RCAN1: variants seen among roughly 807,000 people sequenced by gnomAD.
The protein encoded by RCAN1 is calcipressin-1.
A neutral mutation model predicts 22.9 loss-of-function variants in RCAN1; 11 were observed. The observed-to-expected ratio is 0.48, with a 90% CI of 0.30 to 0.79. The LOEUF (loss-of-function observed/expected upper bound fraction) is 0.79. Ranked by LOEUF, RCAN1 falls within the 30% of genes least tolerant of loss-of-function variation. The pLI, the probability that RCAN1 is intolerant of heterozygous loss-of-function variation, is 0.06. For synonymous variants in RCAN1, 136 were observed against 142.3 expected (o/e 0.96, Z 0.32); for missense variants, 291 against 337.8 (o/e 0.86, Z 1.09).
intron 1 of RCAN1, among the ~76,000 whole-genome samples, chr21:34,565,635 T>C (rs1218299219): frequency 1.3e-5 from 2 of 152,206 alleles, no homozygotes; most frequent in Non-Finnish European, 2.9e-5. Context: ...GTTCAACAGA[T>C]GGGAAAACAT....
At chr21:34,563,770 A>AAAAAATATATATATAT (rs1555863394) in intron 1 of RCAN1, among the ~76,000 whole-genome samples, 2 of 65,434 alleles carry the variant, frequency 3.1e-5, no homozygotes, top group African/African-American at 1.4e-4. Flanking sequence ...AAAAAAAAAA[A>AAAAAATATATATATAT]ATATATATAT....
chr21:34,581,423 G>A (rs1987604952), intron 1 of RCAN1, among the ~76,000 whole-genome samples: 3 of 152,160 alleles, frequency 2.0e-5, no homozygotes, highest in South Asian at 2.1e-4. Context: ...ATGAATTGCT[G>A]TTGCCCCCAA....
At chr21:34,568,588 G>A (rs1422240340) in intron 1 of RCAN1, among the ~76,000 whole-genome samples, 1 of 152,166 alleles carries the variant, frequency 6.6e-6, no homozygotes, top group Non-Finnish European at 1.5e-5. Flanking sequence ...ACATCCACTG[G>A]AGGAATTGCA....
intron 1 of RCAN1, among the ~76,000 whole-genome samples, chr21:34,572,231 A>G (rs4300928): frequency 0.013 from 2,032 of 152,296 alleles, 47 homozygotes; most frequent in East Asian, 0.093. Context: ...CCCTCTGCCC[A>G]ATGAGGACTA....
chr21:34,577,533 A>G (rs1163928167), intron 1 of RCAN1, among the ~76,000 whole-genome samples: 3 of 152,178 alleles, frequency 2.0e-5, no homozygotes, highest in Non-Finnish European at 4.4e-5. Context: ...CAGGTGGTAG[A>G]GGCTACAGTG....
chr21:34,530,626 T>TGTTGTTG (rs57805524), intron 1 of RCAN1, among the ~76,000 whole-genome samples: 57 of 127,660 alleles, frequency 4.5e-4, no homozygotes, highest in South Asian at 7.4e-4. Context: ...GTTTTTTTTT[T>TGTTGTTG]TTTTTTTTTT....
chr21:34,611,604 TC>T (rs1390872971), intron 1 of RCAN1, among the ~76,000 whole-genome samples: 1 of 152,174 alleles, frequency 6.6e-6, no homozygotes, highest in Non-Finnish European at 1.5e-5. Flanking sequence ...ACTCTCCAGA[TC>T]CAACAGACTG....
chr21:34,558,399 C>A (rs1986664549), intron 1 of RCAN1, among the ~76,000 whole-genome samples: 2 of 152,200 alleles, frequency 1.3e-5, no homozygotes, highest in Admixed American at 6.5e-5. Context: ...CCAACTCCAC[C>A]TCCACCGTGA....
intron 1 of RCAN1, among the ~76,000 whole-genome samples, chr21:34,580,758 T>C (rs1987577235): frequency 6.6e-6 from 1 of 152,194 alleles, no homozygotes; most frequent in Non-Finnish European, 1.5e-5. Context: ...GAAGGAATCC[T>C]TCCTAGAGAG....
At chr21:34,532,963 C>CT (rs35547356) in intron 1 of RCAN1, among the ~76,000 whole-genome samples, 46,427 of 141,474 alleles carry the variant, frequency 0.33, 8,616 homozygotes, top group East Asian at 0.54. Context: ...ACAAAATAAA[C>CT]TTTTTTTTTT....
At chr21:34,525,233 G>A (rs1984952848) in intron 1 of RCAN1, 1 of 1,550,650 alleles carries the variant, frequency 6.4e-7, no homozygotes, top group Non-Finnish European at 8.7e-7. Context: ...CTGCGGGTAG[G>A]AGCAGGGTAG....
At chr21:34,602,485 A>G (rs1601219780) in intron 1 of RCAN1, among the ~76,000 whole-genome samples, 1 of 152,230 alleles carries the variant, frequency 6.6e-6, no homozygotes, top group East Asian at 1.9e-4. Context: ...AGGTGTTTCC[A>G]GGCAGTTCAT....
At chr21:34,597,738 G>GA (rs1270860746) in intron 1 of RCAN1, among the ~76,000 whole-genome samples, 2 of 152,098 alleles carry the variant, frequency 1.3e-5, no homozygotes, top group African/African-American at 4.8e-5. Context: ...AAACAAGATG[G>GA]AAAAATCATC....
At chr21:34,598,120 G>C (rs1387797198) in intron 1 of RCAN1, among the ~76,000 whole-genome samples, 6 of 152,144 alleles carry the variant, frequency 3.9e-5, no homozygotes, top group Non-Finnish European at 8.8e-5. Context: ...TAAACCCAAA[G>C]CAATCTCACT....
At chr21:34,547,132 A>C (rs1986179461) in intron 1 of RCAN1, among the ~76,000 whole-genome samples, 1 of 152,164 alleles carries the variant, frequency 6.6e-6, no homozygotes, top group Non-Finnish European at 1.5e-5. Context: ...ACCCCTGCCA[A>C]AATTGAGTAG....
At chr21:34,612,453 G>A (rs947268395) in intron 1 of RCAN1, among the ~76,000 whole-genome samples, 1 of 152,168 alleles carries the variant, frequency 6.6e-6, no homozygotes, top group Non-Finnish European at 1.5e-5. Flanking sequence ...CCTGGTCCAG[G>A]CTGTGCAGAG....
chr21:34,597,050 C>T (rs778961188), intron 1 of RCAN1, among the ~76,000 whole-genome samples: 5 of 152,148 alleles, frequency 3.3e-5, no homozygotes, highest in Non-Finnish European at 5.9e-5. Context: ...CATGAACTTG[C>T]TGTGTGATGT....
In RCAN1 at chr21:34,521,296, GTCTC is replaced by G. The variant is rs531348401; in HGVS notation, c.586+199_586+202del. The G allele has an allele frequency of 2.4e-3, 3,536 of 1,454,374 alleles. 5 individuals are homozygous for G. The highest frequency in any genetic ancestry group is 3.0e-3 in the Non-Finnish European group (3,334 of 1,105,736). 90.1% of individuals were successfully genotyped at this position (1,454,374 alleles called of 1,614,324 possible). A position where few individuals can be genotyped will look rare whatever the true frequency, so the allele number is the denominator to read the frequency against. On this transcript the variant is annotated intron_variant, in intron 3 of 3. Transcript: ENST00000313806. ...TGCAGGGTCCCCACGATCAGCCGCAGTCTCTCTAACACTGCAGGTGGTGCCAAGA... is the reference window on the plus strand; with the variant it reads ...TGCAGGGTCCCCACGATCAGCCGCAGTCTAACACTGCAGGTGGTGCCAAGA...
At chr21:34,602,362 T>A (rs1461864107) in intron 1 of RCAN1, among the ~76,000 whole-genome samples, 2 of 152,174 alleles carry the variant, frequency 1.3e-5, no homozygotes, top group Non-Finnish European at 2.9e-5. Context: ...ACAAGCTCTA[T>A]ACCCGCACCC....
Sources: gnomAD v4.1 joint callset for allele counts (sites outside exome capture counted in the v4.1 genomes callset) on GRCh38, gnomAD v4.1.1 for gene constraint, MANE v1.5 for transcripts, NCBI Gene and HGNC (gene_info 2026-07-23, HGNC 2026-07-21) for gene names.